The following PARVB variants were observed in gnomAD, a reference collection of about 807,000 sequenced individuals.
PARVB encodes beta-parvin.
A neutral mutation model predicts 47.0 loss-of-function variants in PARVB; 46 were observed. That is an observed-to-expected ratio of 0.98 (90% CI 0.77 to 1.25). The LOEUF (loss-of-function observed/expected upper bound fraction) is 1.25. PARVB is among the 50% of genes most tolerant of loss of function. PARVB has a pLI of 0.00. For synonymous variants in PARVB, 196 were observed against 196.3 expected (o/e 1.00, Z 0.01); for missense variants, 473 against 471.6 (o/e 1.00, Z -0.03).
intron 8 of PARVB, chr22:44,146,545 G>T (rs906393205): frequency 1.3e-5 from 2 of 152,322 alleles, no homozygotes; most frequent in Admixed American, 6.5e-5. Flanking sequence ...GGGCAGGGGG[G>T]TGTGAGCTGC....
chr22:44,101,411 A>C (rs2052442870), intron 3 of PARVB, among the ~76,000 whole-genome samples: 1 of 141,754 alleles, frequency 7.1e-6, no homozygotes. Context: ...CCGTCTCAAA[A>C]AAAAATAAAA....
chr22:44,143,812 C>T (rs2053607748), intron 8 of PARVB: 1 of 152,472 alleles, frequency 6.6e-6, no homozygotes, highest in African/African-American at 2.4e-5. Flanking sequence ...GGCGGCCCTT[C>T]CCCCTCCTGG....
intron 6 of PARVB, among the ~76,000 whole-genome samples, chr22:44,135,566 T>C (rs951082379): frequency 1.3e-5 from 2 of 152,190 alleles, no homozygotes; most frequent in African/African-American, 4.8e-5. Flanking sequence ...CATCATTGCT[T>C]TTCTATACCT....
intron 1 of PARVB, among the ~76,000 whole-genome samples, chr22:44,026,839 A>C (rs1451001773): frequency 2.6e-5 from 3 of 114,124 alleles, no homozygotes; most frequent in Admixed American, 9.4e-5. Context: ...AGGAGGGGGA[A>C]GCTGGGGGAA....
chr22:44,012,517 TTAAA>T (rs1344612152), intron 2 of PARVB, among the ~76,000 whole-genome samples: 7 of 152,356 alleles, frequency 4.6e-5, no homozygotes, highest in Admixed American at 3.9e-4. Flanking sequence ...AGCAGACTGA[TTAAA>T]TAACACCATT....
chr22:44,152,915 G>A (rs538810590), intron 10 of PARVB: 41 of 152,170 alleles, frequency 2.7e-4, no homozygotes, highest in African/African-American at 9.4e-4. Context: ...AACTAATTCA[G>A]GTTCATTGTA....
intron 2 of PARVB, among the ~76,000 whole-genome samples, chr22:44,016,302 T>C (rs2401515): frequency 0.31 from 47,076 of 151,654 alleles, 7,845 homozygotes; most frequent in Admixed American, 0.46. Flanking sequence ...TTCACCGTGT[T>C]AGCCAGGATG....
chr22:44,079,120 G>A (rs1365021386), intron 1 of PARVB, among the ~76,000 whole-genome samples: 2 of 152,210 alleles, frequency 1.3e-5, no homozygotes, highest in Non-Finnish European at 2.9e-5. Flanking sequence ...AGCACTCAAC[G>A]TTTCCCGCAA....
Position 44,070,403 on chromosome 22 carries a change from C to G in PARVB, c.113-23525C>G, listed in dbSNP as rs150700518. 3.6e-3 allele frequency among the ~76,000 whole-genome samples: 542 copies of G among 152,320 alleles called. 11 individuals are homozygous for G. The highest frequency in any genetic ancestry group is 1.5e-3 in the South Asian group (7 of 4,826). ...AGCAAACTCCTGGTAAATGCTCCTTCCCCACTTTTGTGGAATAAAGAATGC... is the reference window on the plus strand; with the variant it reads ...AGCAAACTCCTGGTAAATGCTCCTTGCCCACTTTTGTGGAATAAAGAATGC... On this transcript the variant is annotated intron_variant, in intron 1 of 12. Coordinates refer to ENST00000338758, the MANE Select transcript of PARVB (RefSeq NM_013327.5).
At chr22:44,042,866 A>T (rs904670784) in intron 1 of PARVB, among the ~76,000 whole-genome samples, 5 of 152,106 alleles carry the variant, frequency 3.3e-5, no homozygotes, top group African/African-American at 7.2e-5. Flanking sequence ...TCTGCTGGAG[A>T]AAAAAGAATA....
At chr22:44,069,056 C>T (rs1004249498) in intron 1 of PARVB, 26 of 1,510,936 alleles carry the variant, frequency 1.7e-5, no homozygotes, top group Admixed American at 5.3e-5. Context: ...GTCATAGTGG[C>T]GCCCCTGCCA....
At chr22:44,066,808 CTCCTCCTCCTCCTCT>C (rs893193765) in intron 1 of PARVB, among the ~76,000 whole-genome samples, 13 of 148,804 alleles carry the variant, frequency 8.7e-5, no homozygotes, top group African/African-American at 2.5e-4. Context: ...CCTCCTCCTC[CTCCTCCTCCTCCTCT>C]TCCTCCTCCA....
intron 1 of PARVB, chr22:44,081,742 TG>T: frequency 2.2e-6 from 1 of 455,018 alleles, no homozygotes; most frequent in East Asian, 1.5e-4. Flanking sequence ...GGCAAGTGGC[TG>T]GGCTCGGAGG....
At position 44,122,516 on chromosome 22, in the gene PARVB, GAGACAGAGAGAC is replaced by G. The variant is rs1569134240; in HGVS notation, c.376+3380_376+3391del. 1.5e-3 allele frequency among the ~76,000 whole-genome samples: 128 copies of G among 85,734 alleles called. 9 individuals are homozygous for G. Among genetic ancestry groups the G allele is most frequent in the African/African-American group, 4.8e-3 (62 of 12,818 alleles). 56.2% of individuals were successfully genotyped at this position (85,734 alleles called of 152,430 possible). A position where few individuals can be genotyped will look rare whatever the true frequency, so the allele number is the denominator to read the frequency against. ...AGAGAGAGAGAGAGAGAGAGAGAGA[GAGACAGAGAGAC>G]AGAGAGAGAGAGAGAGAGAGAGAGA... On this transcript the variant is annotated intron_variant, in intron 4 of 12. Coordinates refer to ENST00000338758, the MANE Select transcript of PARVB (RefSeq NM_013327.5).
chr22:44,003,937 G>A (rs2050437956), intron 2 of PARVB, among the ~76,000 whole-genome samples: 1 of 152,178 alleles, frequency 6.6e-6, no homozygotes, highest in South Asian at 2.1e-4. Context: ...TGCCGCTGCT[G>A]GGCCTGGCTT....
At chr22:44,073,131 A>G (rs957994323) in intron 1 of PARVB, among the ~76,000 whole-genome samples, 1 of 152,240 alleles carries the variant, frequency 6.6e-6, no homozygotes, top group Non-Finnish European at 1.5e-5. Flanking sequence ...ACTAGGCCCA[A>G]TCTTATCAAA....
Position 44,136,466 on chromosome 22 carries a change from G to A in PARVB, c.640G>A (p.Glu214Lys). ...TTTATTTTGGGGTTTTCAGAAACGG[G>A]AAGGCCTGCTGCATTCCAGCCACAT... ...TVQVVVVRKREGLLHSSHISE... is the reference protein window; with the variant it reads ...TVQVVVVRKRKGLLHSSHISE... The change falls in exon 7 of 13, where the codon GAA becomes AAA. Residue 214 changes from glutamate (E) to lysine (K), a missense_variant. Coordinates refer to ENST00000338758, the MANE Select transcript of PARVB (RefSeq NM_013327.5). The A allele has an allele frequency of 1.9e-6, 3 of 1,614,032 alleles. No homozygotes were observed. The highest frequency in any genetic ancestry group is 1.1e-5 in the South Asian group (1 of 91,074).
chr22:44,079,526 A>G (rs540984412), intron 1 of PARVB, among the ~76,000 whole-genome samples: 1 of 152,294 alleles, frequency 6.6e-6, no homozygotes, highest in East Asian at 1.9e-4. Flanking sequence ...GCTGAGGAGG[A>G]CAGAGGGTGA....
intron 1 of PARVB, among the ~76,000 whole-genome samples, chr22:44,035,249 G>A (rs151194574): frequency 6.4e-4 from 97 of 152,144 alleles, no homozygotes; most frequent in African/African-American, 1.3e-3. Context: ...TACAACATGC[G>A]TTTACAAGAT....
Sources: allele counts gnomAD v4.1 joint callset (sites outside exome capture counted in the v4.1 genomes callset), GRCh38; gene constraint gnomAD v4.1.1; transcripts MANE v1.5; gene names NCBI Gene and HGNC (gene_info 2026-07-23, HGNC 2026-07-21).